The following HROB variants were observed in gnomAD, a reference collection of about 807,000 sequenced individuals.
The protein encoded by HROB is homologous recombination OB-fold protein.
A neutral mutation model predicts 61.0 loss-of-function variants in HROB; 44 were observed. The ratio of observed to expected loss-of-function variants is 0.72; its 90% confidence interval spans 0.57 to 0.93. The LOEUF is 0.93. Ranked by LOEUF, HROB falls within the 40% of genes least tolerant of loss-of-function variation. The probability of loss-of-function intolerance (pLI) is 0.00; values close to 1 mark genes in which losing one functional copy is unlikely to be tolerated. For missense variants in HROB, 716 were observed against 796.2 expected (o/e 0.90, Z 1.21); for synonymous variants, 301 against 310.4 (o/e 0.97, Z 0.32).
At chr17:44,161,573 C>T (rs1567726152) in intron 9 of HROB, among the ~76,000 whole-genome samples, 1 of 152,184 alleles carries the variant, frequency 6.6e-6, no homozygotes, top group East Asian at 1.9e-4. Context: ...TCTTGTTTGG[C>T]ACTATGACTG....
intron 2 of HROB, among the ~76,000 whole-genome samples, chr17:44,147,374 G>A (rs924661206): frequency 6.6e-6 from 1 of 151,952 alleles, no homozygotes; most frequent in African/African-American, 2.4e-5. Flanking sequence ...TGAGGTCAGA[G>A]GTGGTAAGAG....
At chr17:44,160,363 C>T (rs1214599666) in intron 9 of HROB, among the ~76,000 whole-genome samples, 4 of 152,118 alleles carry the variant, frequency 2.6e-5, no homozygotes, top group Non-Finnish European at 4.4e-5. Context: ...GTCAGGAGAT[C>T]GAGACCATCC....
chr17:44,162,043 G>A lies in HROB; in HGVS notation c.*111G>A. On this transcript the variant is annotated 3_prime_UTR_variant, in exon 10 of 10. Transcript: ENST00000585683. Reference sequence around the variant, plus strand: ...CATGATTGGAGAGTGGACACAGCCGGGGGGCTTCTGTGGTTGCTCCCACCC... The same window carrying A: ...CATGATTGGAGAGTGGACACAGCCGAGGGGCTTCTGTGGTTGCTCCCACCC... The A allele has an allele frequency of 7.9e-7, 1 of 1,270,180 alleles. No homozygotes were observed. The highest frequency in any genetic ancestry group is 1.1e-6 in the Non-Finnish European group (1 of 898,300). The allele number at this position is 1,270,180 out of a possible 1,614,324, so 78.7% of individuals were successfully genotyped here. A position where few individuals can be genotyped will look rare whatever the true frequency, so the allele number is the denominator to read the frequency against.
chr17:44,153,605 C>T (rs1329157903), intron 5 of HROB, among the ~76,000 whole-genome samples: 4 of 151,902 alleles, frequency 2.6e-5, no homozygotes, highest in Admixed American at 6.6e-5. Flanking sequence ...ATTAGCCGGA[C>T]GTGTTGGCAC....
chr17:44,150,808 A>G (rs2053779627), intron 3 of HROB, among the ~76,000 whole-genome samples, 153 bp from the exon 4 acceptor site: 1 of 152,192 alleles, frequency 6.6e-6, no homozygotes, highest in Admixed American at 6.5e-5. Context: ...TGAGCTGCCA[A>G]AGAGGCTCCT....
Position 44,148,480 on chromosome 17 carries a change from A to G in HROB, c.677A>G (p.Gln226Arg). ...CACAAAGCGGGTATCATGTCCGCCCAGGATGAGTCTCTAGATCCTGTCATC... is the reference window on the plus strand; with the variant it reads ...CACAAAGCGGGTATCATGTCCGCCCGGGATGAGTCTCTAGATCCTGTCATC... ...AIHKAGIMSA[Q>R]DESLDPVIQC... Residue 226 changes from glutamine to arginine, a missense_variant, in exon 3 of 10, where the codon CAG (glutamine) becomes CGG (arginine). Transcript: ENST00000585683. The G allele has an allele frequency of 6.2e-7, 1 of 1,614,180 alleles. No homozygotes were observed. Among genetic ancestry groups the G allele is most frequent in the Non-Finnish European group, 8.5e-7 (1 of 1,180,024 alleles).
At chr17:44,143,296 C>T (rs2053512326) in intron 1 of HROB, among the ~76,000 whole-genome samples, 1 of 151,854 alleles carries the variant, frequency 6.6e-6, no homozygotes, top group Non-Finnish European at 1.5e-5. Flanking sequence ...ATCACTTGAG[C>T]CCAGGAGTTC....
At chr17:44,144,249 C>G (rs910741508) in intron 1 of HROB, among the ~76,000 whole-genome samples, 14 of 152,078 alleles carry the variant, frequency 9.2e-5, no homozygotes, top group Non-Finnish European at 1.8e-4. Flanking sequence ...AAGCGATTCT[C>G]CTGCCTCAGC....
chr17:44,154,521 T>C (rs1036797056), intron 5 of HROB, 35 bp from the exon 6 acceptor site: 29 of 1,610,594 alleles, frequency 1.8e-5, no homozygotes, highest in Non-Finnish European at 2.5e-5. Flanking sequence ...AAGTGGGCCG[T>C]GGAAGGCTCA....
chr17:44,156,909 C>G (rs1158172536), intron 8 of HROB, among the ~76,000 whole-genome samples: 4 of 152,144 alleles, frequency 2.6e-5, no homozygotes, highest in Admixed American at 2.0e-4. Context: ...GATCCACCTG[C>G]CTCAGCCTCC....
In HROB at chr17:44,161,927, A is replaced by T; in HGVS notation, c.1936A>T (p.Ser646Cys). The change falls in exon 10 of 10, where the codon AGT (serine) becomes TGT (cysteine). Residue 646 changes from serine (S) to cysteine (C), a missense_variant. Physicochemically the swap from Ser to Cys is moderately radical, Grantham distance 112. Coordinates refer to ENST00000585683, the MANE Select transcript of HROB (RefSeq NM_001171251.3). Reference protein sequence around the residue: ...LPEDFFCGTSS With the variant: ...LPEDFFCGTSC ...TGAAGACTTCTTCTGTGGGACCAGT[A>T]GTTGAGACTGCCCCAACGCAGGACA... 2.5e-6 allele frequency: 4 copies of T among 1,614,102 alleles called. No homozygotes were observed. Among genetic ancestry groups the T allele is most frequent in the Non-Finnish European group, 3.4e-6 (4 of 1,179,932 alleles).
rs769367298 is a variant in HROB at position 44,148,819 on chromosome 17, C to A, written c.1016C>A (p.Pro339His). 6.8e-6 allele frequency: 11 copies of A among 1,614,060 alleles called. No homozygotes were observed. In the South Asian group the frequency reaches 9.9e-5, roughly 14 times the overall value. ...AGCTCTGGATTATTTCCTCGGATAC[C>A]CTTACAACCGCAAGCTCCAGTGTCT... is the stretch of plus-strand genomic sequence containing the variant. ...RTSSGLFPRI[P>H]LQPQAPVSSI... Residue 339 changes from proline (P) to histidine (H), a missense_variant, in exon 3 of 10, where the codon CCC becomes CAC. Coordinates refer to ENST00000585683, the MANE Select transcript of HROB (RefSeq NM_001171251.3).
intron 2 of HROB, chr17:44,147,655 C>T (rs528268425): frequency 3.8e-6 from 2 of 532,740 alleles, no homozygotes; most frequent in African/African-American, 1.9e-5. Flanking sequence ...AGGCTGGTCT[C>T]GAACTCCTGA....
intron 4 of HROB, among the ~76,000 whole-genome samples, chr17:44,151,439 TG>T (rs2053801716): frequency 6.6e-6 from 1 of 152,170 alleles, no homozygotes; most frequent in Non-Finnish European, 1.5e-5. Context: ...TTCCCTTTGG[TG>T]GGTGAGACCC....
intron 1 of HROB, among the ~76,000 whole-genome samples, chr17:44,144,285 G>GCC: frequency 6.6e-6 from 1 of 151,748 alleles, no homozygotes; most frequent in African/African-American, 2.4e-5. Context: ...GATTACAGAT[G>GCC]CCCACCACCA....
chr17:44,145,078 G>T, intron 1 of HROB, 125 bp from the exon 2 acceptor site: 2 of 1,048,256 alleles, frequency 1.9e-6, no homozygotes, highest in East Asian at 2.4e-5. Context: ...TTTCCCAGCC[G>T]TAGCAAAAAC....
intron 7 of HROB, 34 bp downstream of exon 7, chr17:44,154,972 C>T (rs369516383): frequency 3.8e-5 from 60 of 1,597,816 alleles, no homozygotes; most frequent in South Asian, 1.8e-4. Context: ...CACTGCCCCC[C>T]GGATAGAGCC....
chr17:44,145,859 C>CT (rs1427901940), intron 2 of HROB, among the ~76,000 whole-genome samples: 1 of 151,996 alleles, frequency 6.6e-6, no homozygotes, highest in Non-Finnish European at 1.5e-5. Context: ...AGGGATATTT[C>CT]TTTTTTTTCC....
chr17:44,153,442 G>T (rs1474102620), intron 5 of HROB, among the ~76,000 whole-genome samples: 1 of 151,936 alleles, frequency 6.6e-6, no homozygotes, highest in Non-Finnish European at 1.5e-5. Flanking sequence ...GCAATAGAGC[G>T]AGAGCTTGTC....
Sources: allele counts gnomAD v4.1 joint callset (sites outside exome capture counted in the v4.1 genomes callset), GRCh38; gene constraint gnomAD v4.1.1; transcripts MANE v1.5; gene names NCBI Gene and HGNC (gene_info 2026-07-23, HGNC 2026-07-21).